TNIK: variants seen among roughly 807,000 people sequenced by gnomAD.
TNIK encodes TRAF2 and NCK-interacting protein kinase.
A neutral mutation model predicts 191.3 loss-of-function variants in TNIK; 49 were observed. The observed-to-expected ratio is 0.26, with a 90% CI of 0.20 to 0.32. The LOEUF (loss-of-function observed/expected upper bound fraction) is 0.32, where lower values mean the gene tolerates loss of function less well. TNIK is among the 10% of genes least tolerant of loss of function. TNIK has a pLI of 1.00. For missense variants in TNIK, 1,155 were observed against 1,702.3 expected, an observed-to-expected ratio of 0.68 and a Z score of 5.66; for synonymous variants, 594 against 600.9, an observed-to-expected ratio of 0.99 and a Z score of 0.17.
intron 3 of TNIK, chr3:171,225,435 T>G: frequency 2.9e-6 from 1 of 341,062 alleles, no homozygotes; most frequent in Non-Finnish European, 5.7e-6. Flanking sequence ...TATCTAGCCC[T>G]CCTCAATAGG....
At chr3:171,143,305 C>T (rs542600545) in intron 12 of TNIK, among the ~76,000 whole-genome samples, 126 of 152,266 alleles carry the variant, frequency 8.3e-4, no homozygotes, top group African/African-American at 2.9e-3. Context: ...TGCATGGAGC[C>T]GTATGAGGGA....
intron 2 of TNIK, among the ~76,000 whole-genome samples, chr3:171,249,344 C>A (rs1175619789): frequency 6.6e-6 from 1 of 152,148 alleles, no homozygotes; most frequent in Admixed American, 6.5e-5. Flanking sequence ...AGGCATACAT[C>A]CAAATGTGAA....
chr3:171,264,258 C>G (rs1374272949), intron 2 of TNIK, among the ~76,000 whole-genome samples: 1 of 151,566 alleles, frequency 6.6e-6, no homozygotes, highest in Non-Finnish European at 1.5e-5. Flanking sequence ...TCACTATTCA[C>G]TCCTCTAGGA....
At chr3:171,375,351 A>G (rs374478571) in intron 1 of TNIK, among the ~76,000 whole-genome samples, 1 of 152,340 alleles carries the variant, frequency 6.6e-6, no homozygotes, top group African/African-American at 2.4e-5. Context: ...AATAAAACTA[A>G]TCTGGCCAGT....
intron 2 of TNIK, among the ~76,000 whole-genome samples, chr3:171,266,653 T>A (rs531939135): frequency 1.3e-5 from 2 of 152,194 alleles, no homozygotes; most frequent in Non-Finnish European, 2.9e-5. Context: ...CATGCTTCCA[T>A]GGGAAAACCT....
intron 1 of TNIK, among the ~76,000 whole-genome samples, chr3:171,445,692 A>G (rs1727410479): frequency 6.6e-6 from 1 of 152,212 alleles, no homozygotes; most frequent in Non-Finnish European, 1.5e-5. Flanking sequence ...ACACAGACAC[A>G]TATCCAAAAC....
chr3:171,390,889 T>G (rs548611314), intron 1 of TNIK, among the ~76,000 whole-genome samples: 2 of 152,220 alleles, frequency 1.3e-5, no homozygotes, highest in Non-Finnish European at 1.5e-5. Context: ...TTTGTGCATG[T>G]GTGATTTATA....
intron 2 of TNIK, among the ~76,000 whole-genome samples, chr3:171,262,879 A>G (rs773674205): frequency 6.6e-6 from 1 of 152,118 alleles, no homozygotes; most frequent in Non-Finnish European, 1.5e-5. Context: ...TGTGACCTGT[A>G]TGGGTCAATG....
At chr3:171,265,299 G>C (rs1748246102) in intron 2 of TNIK, among the ~76,000 whole-genome samples, 1 of 152,140 alleles carries the variant, frequency 6.6e-6, no homozygotes, top group Non-Finnish European at 1.5e-5. Flanking sequence ...AAAATCTAGA[G>C]GAATTGTGAC....
At chr3:171,135,746 C>T (rs1201364882) in intron 15 of TNIK, among the ~76,000 whole-genome samples, 1 of 151,814 alleles carries the variant, frequency 6.6e-6, no homozygotes, top group Non-Finnish European at 1.5e-5. Flanking sequence ...AACCTCACAT[C>T]AGGAGTGCTT....
At chr3:171,064,617 C>A (rs1478076172) in intron 32 of TNIK, among the ~76,000 whole-genome samples, 1 of 152,146 alleles carries the variant, frequency 6.6e-6, no homozygotes. Flanking sequence ...TGAGGAGAAC[C>A]ACAGTCCATT....
At chr3:171,211,282 T>C (rs1193601824) in intron 3 of TNIK, 41 bp from the exon 4 acceptor site, 1 of 1,568,078 alleles carries the variant, frequency 6.4e-7, no homozygotes, top group African/African-American at 1.4e-5. Context: ...TGAAAATCTA[T>C]GGTTGTTAGT....
chr3:171,335,179 A>G (rs1004490560), intron 2 of TNIK, among the ~76,000 whole-genome samples: 2 of 152,254 alleles, frequency 1.3e-5, no homozygotes, highest in African/African-American at 4.8e-5. Context: ...CCCAGGGATA[A>G]GCACAGTGCC....
chr3:171,354,392 T>A (rs1169370530), intron 2 of TNIK, among the ~76,000 whole-genome samples: 2 of 152,144 alleles, frequency 1.3e-5, no homozygotes, highest in African/African-American at 4.8e-5. Flanking sequence ...ACCTGAGCCG[T>A]GTTCCTCAAG....
chr3:171,139,372 ACGCG>A (rs796404682), intron 14 of TNIK, 94 bp downstream of exon 14: 1 of 730,506 alleles, frequency 1.4e-6, no homozygotes, highest in African/African-American at 2.4e-5. Flanking sequence ...GGACACACGC[ACGCG>A]CGCACACACA....
chr3:171,169,175 A>G (rs1211009936), intron 9 of TNIK, among the ~76,000 whole-genome samples: 1 of 152,222 alleles, frequency 6.6e-6, no homozygotes, highest in Non-Finnish European at 1.5e-5. Flanking sequence ...GAAAACAAAA[A>G]TTAAGACAGA....
At chr3:171,453,919 A>T (rs1175826288) in intron 1 of TNIK, among the ~76,000 whole-genome samples, 1 of 152,194 alleles carries the variant, frequency 6.6e-6, no homozygotes, top group Non-Finnish European at 1.5e-5. Context: ...ACCAGACTGG[A>T]AGGAATCACA....
intron 4 of TNIK, among the ~76,000 whole-genome samples, chr3:171,197,781 G>A (rs1738890003): frequency 6.6e-6 from 1 of 152,212 alleles, no homozygotes; most frequent in Admixed American, 6.5e-5. Flanking sequence ...TGGTGAGGAT[G>A]TGGGGAAACT....
rs555066899 is a variant in TNIK at position 171,299,413 on chromosome 3, G to C, written c.123+70207C>G. 6.0e-5 allele frequency among the ~76,000 whole-genome samples: 9 copies of C among 150,686 alleles called. No individual in the cohort carries two copies. The East Asian group carries it at 1.5e-3, about 26-fold the overall frequency. On this transcript the variant is annotated intron_variant, in intron 2 of 32. Transcript: ENST00000436636. ...AGTAACAAAGCTCTGAATTCATTTG[G>C]GCTTGTTGTTGCCTTGCCAGACGGA... is the stretch of plus-strand genomic sequence containing the variant.
Sources: allele counts gnomAD v4.1 joint callset (sites outside exome capture counted in the v4.1 genomes callset), GRCh38; gene constraint gnomAD v4.1.1; transcripts MANE v1.5; gene names NCBI Gene and HGNC (gene_info 2026-07-23, HGNC 2026-07-21).